ZNF600: variants seen among roughly 807,000 people sequenced by gnomAD.
ZNF600 encodes zinc finger protein 600, also known as zinc finger protein KR-ZNF1.
A neutral mutation model predicts 7.3 loss-of-function variants in ZNF600; 4 were observed. The observed-to-expected ratio is 0.55, with a 90% CI of 0.27 to 1.25. The LOEUF is 1.25. ZNF600 is among the 50% of genes most tolerant of loss of function. The probability of loss-of-function intolerance (pLI) is 0.12; values close to 1 mark genes in which losing one functional copy is unlikely to be tolerated. For synonymous variants in ZNF600, 290 were observed against 308.9 expected (o/e 0.94, Z 0.64); for missense variants, 911 against 922.1 (o/e 0.99, Z 0.16).
chr19:52,774,790 G>A (rs2062659791), intron 2 of ZNF600, 89 bp from the exon 5 acceptor site: 1 of 984,966 alleles, frequency 1.0e-6, no homozygotes, highest in Non-Finnish European at 1.2e-6. Flanking sequence ...ATAAGTATTT[G>A]ATCAAAGACT....
At chr19:52,768,878 T>C (rs1322701971) in intron 3 of ZNF600, among the ~76,000 whole-genome samples, 13 of 152,126 alleles carry the variant, frequency 8.5e-5, no homozygotes, top group Non-Finnish European at 1.3e-4. Context: ...TAATCATTAG[T>C]TGGTAGCAAT....
chr19:52,811,062 G>GT, the ZNF600 span, among the ~76,000 whole-genome samples: 2,883 of 142,112 alleles, frequency 0.02, 31 homozygotes, highest in Non-Finnish European at 0.025. Context: ...ACTGGTTTTC[G>GT]TTTTTTTTTT....
the ZNF600 span, among the ~76,000 whole-genome samples, chr19:52,795,172 T>C: frequency 1.6e-4 from 24 of 152,288 alleles, no homozygotes; most frequent in Admixed American, 9.2e-4. Context: ...CCAGAGGAAC[T>C]TGAAGGGAAC....
the ZNF600 span, among the ~76,000 whole-genome samples, chr19:52,818,471 G>A: frequency 9.9e-5 from 15 of 152,086 alleles, no homozygotes; most frequent in African/African-American, 3.6e-4. Context: ...CCAACACTCT[G>A]AAAGGCCGAG....
chr19:52,766,319 A>G, exon 4 of ZNF600: 2 of 1,613,632 alleles, frequency 1.2e-6, no homozygotes, highest in Non-Finnish European at 1.7e-6. Context: ...AATGACACGC[A>G]AAAGCCTTGT....
At chr19:52,801,720 C>T in the ZNF600 span, 1 of 1,599,312 alleles carries the variant, frequency 6.3e-7, no homozygotes, top group African/African-American at 1.3e-5. Context: ...ATATAAACAC[C>T]AATAGGTTTC....
At position 52,776,001 on chromosome 19, in the gene ZNF600, G is replaced by C. The variant is rs550707017; in HGVS notation, c.64-1300C>G. 6.9e-5 allele frequency among the ~76,000 whole-genome samples: 10 copies of C among 145,586 alleles called. No homozygotes were observed. The South Asian group carries it at 1.9e-3, about 28-fold the overall frequency. On this transcript the variant is annotated intron_variant, in intron 2 of 3. Transcript: ENST00000648973. ...AGCCTGGGTGACAGAGCAATACTCTGACTCCAAAAAAAAAAACCAAAAACC... is the reference window on the plus strand; with the variant it reads ...AGCCTGGGTGACAGAGCAATACTCTCACTCCAAAAAAAAAAACCAAAAACC...
the ZNF600 span, chr19:52,807,779 A>G: frequency 1.3e-6 from 1 of 771,114 alleles, no homozygotes; most frequent in Non-Finnish European, 2.0e-6. Context: ...CCAGGCTGCC[A>G]TAAAGTTTTA....
the ZNF600 span, chr19:52,798,769 G>C: frequency 3.1e-6 from 2 of 655,272 alleles, no homozygotes; most frequent in Non-Finnish European, 5.3e-6. Context: ...TATTACACTT[G>C]TAAGATCTCT....
At chr19:52,800,696 A>G in the ZNF600 span, 22 of 1,612,218 alleles carry the variant, frequency 1.4e-5, no homozygotes, top group South Asian at 2.2e-4. Flanking sequence ...CTTCACATTC[A>G]TAAGGTTTCT....
At chr19:52,820,840 A>G in the ZNF600 span, among the ~76,000 whole-genome samples, 2 of 151,844 alleles carry the variant, frequency 1.3e-5, no homozygotes, top group Non-Finnish European at 2.9e-5. Context: ...CTACTTTGCC[A>G]TCTGTTATGG....
the ZNF600 span, among the ~76,000 whole-genome samples, chr19:52,829,066 A>G: frequency 1.3e-5 from 2 of 152,154 alleles, no homozygotes; most frequent in East Asian, 3.9e-4. Flanking sequence ...GGGTTTCACC[A>G]TGCCAGCCAG....
chr19:52,828,517 G>C, the ZNF600 span, among the ~76,000 whole-genome samples: 2 of 152,092 alleles, frequency 1.3e-5, no homozygotes, highest in Non-Finnish European at 2.9e-5. Flanking sequence ...CAATTACGAT[G>C]TTACAACTAC....
chr19:52,808,278 TTTA>T, the ZNF600 span: 1 of 1,461,600 alleles, frequency 6.8e-7, no homozygotes, highest in East Asian at 2.3e-5. Context: ...ACATGATGTT[TTTA>T]TTATACTTTT....
At chr19:52,767,893 G>A in intron 3 of ZNF600, 121 bp from the exon 6 acceptor site, 7 of 1,360,656 alleles carry the variant, frequency 5.1e-6, no homozygotes, top group Non-Finnish European at 5.9e-6. Context: ...CATCTTCAAA[G>A]TTTAGGAACA....
the ZNF600 span, among the ~76,000 whole-genome samples, chr19:52,831,927 C>G: frequency 6.6e-6 from 1 of 152,204 alleles, no homozygotes; most frequent in Admixed American, 6.5e-5. Context: ...CCATGCCCAG[C>G]CCCTTCTTAC....
chr19:52,820,973 T>C, the ZNF600 span, among the ~76,000 whole-genome samples: 2 of 152,052 alleles, frequency 1.3e-5, no homozygotes, highest in Non-Finnish European at 2.9e-5. Flanking sequence ...CACCTGCATC[T>C]CGGAGAAGCG....
In ZNF600 at chr19:52,766,262, G is replaced by T. The variant is rs1442323755; in HGVS notation, c.1701C>A (p.Tyr567Ter). The T allele has an allele frequency of 6.2e-7, 1 of 1,614,022 alleles. No individual in the cohort carries two copies. Among genetic ancestry groups the T allele is most frequent in the South Asian group, 1.1e-5 (1 of 91,090 alleles). ...AGGTCTTGCTGCACTCATTACACTT[G>T]TAAGGTTTCTCTCCACTATGAATTC... Residue 567 changes from tyrosine (Y) to a stop codon, truncating the protein, a stop_gained, in exon 4 of 4, where the codon TAC becomes TAA. Transcript: ENST00000648973. LOFTEE classifies it low-confidence loss of function (END_TRUNC).
upstream of ZNF600, among the ~76,000 whole-genome samples, chr19:52,791,801 C>T (rs918268792): frequency 6.6e-6 from 1 of 152,202 alleles, no homozygotes; most frequent in Admixed American, 6.5e-5. Context: ...GCCTCCCCCA[C>T]GAGGCAGCAG....
Sources: gnomAD v4.1 joint callset for allele counts (sites outside exome capture counted in the v4.1 genomes callset) on GRCh38, gnomAD v4.1.1 for gene constraint, MANE v1.5 for transcripts, NCBI Gene and HGNC (gene_info 2026-07-23, HGNC 2026-07-21) for gene names.